Variants in LRRTM4 observed in about 807,000 individuals in gnomAD.
LRRTM4 encodes the protein leucine-rich repeat transmembrane neuronal protein 4.
Under a neutral mutation model 47.6 loss-of-function variants are expected in LRRTM4, and 25 were observed. The ratio of observed to expected loss-of-function variants is 0.53; its 90% CI spans 0.38 to 0.73. The LOEUF is 0.73. Among genes scored for constraint, LRRTM4 ranks in the 30% least tolerant of loss-of-function variants. LRRTM4 has a pLI of 0.00. For missense variants in LRRTM4, 638 were observed against 713.4 expected (o/e 0.89, Z 1.20); for synonymous variants, 311 against 269.5 (o/e 1.15, Z -1.51).
intron 3 of LRRTM4, among the ~76,000 whole-genome samples, chr2:77,182,717 G>C (rs988008421): frequency 2.0e-5 from 3 of 152,100 alleles, no homozygotes; most frequent in Non-Finnish European, 4.4e-5. Context: ...TGTTGAATAG[G>C]AGTGGTGAGA....
intron 3 of LRRTM4, among the ~76,000 whole-genome samples, chr2:77,426,981 CTT>C (rs1370837107): frequency 3.7e-5 from 5 of 135,696 alleles, no homozygotes; most frequent in East Asian, 4.2e-4. Context: ...CTGTGCCTGG[CTT>C]TTTTTTTTTT....
intron 3 of LRRTM4, among the ~76,000 whole-genome samples, chr2:76,914,472 G>T (rs895300848): frequency 2.6e-5 from 4 of 151,990 alleles, no homozygotes. Flanking sequence ...TGTCAAAGAT[G>T]ATTTGAATGA....
intron 3 of LRRTM4, among the ~76,000 whole-genome samples, chr2:77,199,746 A>T (rs1417966233): frequency 1.3e-5 from 2 of 152,158 alleles, no homozygotes; most frequent in Non-Finnish European, 2.9e-5. Context: ...ACAAGGAACA[A>T]TTATAGCATG....
Position 77,020,450 on chromosome 2 carries a change from C to T in LRRTM4, c.1552-271534G>A, listed in dbSNP as rs568935051. Among the ~76,000 whole-genome samples, 22 of 152,218 alleles carry T rather than the reference C, an allele frequency of 1.4e-4. No homozygotes were observed. The East Asian group carries it at 3.5e-3, about 24-fold the overall frequency. ...TAGAAAGATTTATGGAGGTACCTAG[C>T]AGATCCCATCAGCTACACAAAAAGG... On this transcript the variant is annotated intron_variant, in intron 3 of 3. Coordinates refer to ENST00000409884, the MANE Select transcript of LRRTM4 (RefSeq NM_001134745.3).
intron 3 of LRRTM4, among the ~76,000 whole-genome samples, chr2:77,332,328 A>T (rs1671001913): frequency 6.6e-6 from 1 of 152,206 alleles, no homozygotes; most frequent in Non-Finnish European, 1.5e-5. Flanking sequence ...TTCTGGTGAG[A>T]GTCAACAGAA....
intron 3 of LRRTM4, among the ~76,000 whole-genome samples, chr2:77,039,448 G>A (rs1236308748): frequency 6.6e-6 from 1 of 150,832 alleles, no homozygotes; most frequent in Non-Finnish European, 1.5e-5. Flanking sequence ...CAATGACATA[G>A]ATATCTCTTA....
At chr2:77,051,779 G>A (rs1436275784) in intron 3 of LRRTM4, among the ~76,000 whole-genome samples, 2 of 152,094 alleles carry the variant, frequency 1.3e-5, no homozygotes, top group East Asian at 1.9e-4. Context: ...TTTGCAACTT[G>A]AGCACCTGAA....
chr2:76,928,419 G>A (rs1674659362), intron 3 of LRRTM4, among the ~76,000 whole-genome samples: 2 of 152,104 alleles, frequency 1.3e-5, no homozygotes, highest in Admixed American at 1.3e-4. Flanking sequence ...CAATTTTGTG[G>A]TTGCAAGATC....
At chr2:77,106,760 G>C (rs62168768) in intron 3 of LRRTM4, among the ~76,000 whole-genome samples, 17,760 of 151,822 alleles carry the variant, frequency 0.12, 1,293 homozygotes, top group East Asian at 0.17. Flanking sequence ...AGAGGCTGCC[G>C]TTAAGTTTCT....
intron 3 of LRRTM4, among the ~76,000 whole-genome samples, chr2:77,036,442 T>G (rs1464746592): frequency 6.6e-6 from 1 of 151,620 alleles, no homozygotes; most frequent in Non-Finnish European, 1.5e-5. Context: ...AAATTCTACT[T>G]TAAGGATCTT....
intron 3 of LRRTM4, among the ~76,000 whole-genome samples, chr2:76,975,530 A>C (rs571331496): frequency 1.3e-5 from 2 of 151,626 alleles, no homozygotes; most frequent in Non-Finnish European, 3.0e-5. Context: ...TATCACCTCT[A>C]ATATTCCTTA....
chr2:77,071,409 A>T (rs1232363966), intron 3 of LRRTM4, among the ~76,000 whole-genome samples: 1 of 152,176 alleles, frequency 6.6e-6, no homozygotes, highest in Non-Finnish European at 1.5e-5. Context: ...GAAAATTGAA[A>T]ATTTATGAGT....
At chr2:77,454,052 C>A (rs192969025) in intron 3 of LRRTM4, among the ~76,000 whole-genome samples, 1 of 152,122 alleles carries the variant, frequency 6.6e-6, no homozygotes, top group Non-Finnish European at 1.5e-5. Flanking sequence ...CCTCTCATAA[C>A]GCCAGACACT....
chr2:77,382,128 T>C (rs757046083), intron 3 of LRRTM4, among the ~76,000 whole-genome samples: 2 of 152,062 alleles, frequency 1.3e-5, no homozygotes, highest in African/African-American at 2.4e-5. Flanking sequence ...CTCAAGTATC[T>C]AGGCTTATTA....
At chr2:77,135,270 A>G (rs974664079) in intron 3 of LRRTM4, among the ~76,000 whole-genome samples, 1 of 152,184 alleles carries the variant, frequency 6.6e-6, no homozygotes, top group African/African-American at 2.4e-5. Context: ...CGGCAGACTC[A>G]CGTGTTCCTT....
At chr2:77,254,030 G>T (rs1675694967) in intron 3 of LRRTM4, among the ~76,000 whole-genome samples, 1 of 151,902 alleles carries the variant, frequency 6.6e-6, no homozygotes, top group Non-Finnish European at 1.5e-5. Context: ...GACAATATAT[G>T]TATGTTTATA....
chr2:76,951,491 T>A (rs957289834), intron 3 of LRRTM4, among the ~76,000 whole-genome samples: 1 of 152,008 alleles, frequency 6.6e-6, no homozygotes, highest in Non-Finnish European at 1.5e-5. Flanking sequence ...CTGGACCACA[T>A]CTTTTTTTTG....
At chr2:77,020,818 T>C (rs1378669382) in intron 3 of LRRTM4, among the ~76,000 whole-genome samples, 1 of 152,192 alleles carries the variant, frequency 6.6e-6, no homozygotes. Context: ...GAGAATTCCA[T>C]GTCCAAGGAA....
intron 3 of LRRTM4, among the ~76,000 whole-genome samples, chr2:77,060,457 T>C (rs559769958): frequency 2.0e-4 from 31 of 152,260 alleles, no homozygotes; most frequent in Middle Eastern, 3.4e-3. Context: ...TAGGTAAATA[T>C]GTTTGGGAAT....
Sources: allele counts gnomAD v4.1 joint callset (sites outside exome capture counted in the v4.1 genomes callset), GRCh38; gene constraint gnomAD v4.1.1; transcripts MANE v1.5; gene names NCBI Gene and HGNC (gene_info 2026-07-23, HGNC 2026-07-21).